The following ABCD3 variants were observed in gnomAD, a reference collection of about 807,000 sequenced individuals.
ABCD3 encodes ATP-binding cassette sub-family D member 3.
In ABCD3, 41 loss-of-function variants were observed where a neutral mutation model predicts 105.5. The observed-to-expected ratio is 0.39, with a 90% CI of 0.30 to 0.50. The LOEUF is 0.50. Ranked by LOEUF, ABCD3 falls within the 20% of genes least tolerant of loss-of-function variation. The probability of loss-of-function intolerance (pLI) is 0.84; values close to 1 mark genes in which losing one functional copy is unlikely to be tolerated. For missense variants in ABCD3, 622 were observed against 806.3 expected, an observed-to-expected ratio of 0.77 and a Z score of 2.77; for synonymous variants, 258 against 269.0, an observed-to-expected ratio of 0.96 and a Z score of 0.40.
chr1:94,461,622 C>T (rs1647874431), intron 2 of ABCD3, among the ~76,000 whole-genome samples: 1 of 151,762 alleles, frequency 6.6e-6, no homozygotes, highest in Non-Finnish European at 1.5e-5. Context: ...TAGACCTGCT[C>T]TTTCATATTC....
intron 1 of ABCD3, among the ~76,000 whole-genome samples, chr1:94,453,243 C>T (rs1647348175): frequency 6.6e-6 from 1 of 151,992 alleles, no homozygotes; most frequent in Non-Finnish European, 1.5e-5. Context: ...AGGAGGTGGG[C>T]AGCTCTCAGA....
intron 1 of ABCD3, among the ~76,000 whole-genome samples, chr1:94,438,395 T>A (rs915426035): frequency 6.6e-6 from 1 of 151,172 alleles, no homozygotes; most frequent in African/African-American, 2.4e-5. Context: ...AGAAAGTGAT[T>A]TCTTCAGATA....
intron 1 of ABCD3, among the ~76,000 whole-genome samples, chr1:94,436,622 A>G (rs781143287): frequency 1.3e-5 from 2 of 152,198 alleles, no homozygotes; most frequent in Non-Finnish European, 1.5e-5. Context: ...GAGCAAGTCT[A>G]TTGAAGCCAT....
At chr1:94,479,385 T>TTA (rs1648924211) in intron 8 of ABCD3, among the ~76,000 whole-genome samples, 2 of 152,152 alleles carry the variant, frequency 1.3e-5, no homozygotes, top group Non-Finnish European at 2.9e-5. Context: ...ATCTTTTTGG[T>TTA]CCACATTTGT....
chr1:94,471,956 G>A (rs576132267), intron 4 of ABCD3, among the ~76,000 whole-genome samples: 1 of 152,128 alleles, frequency 6.6e-6, no homozygotes, highest in South Asian at 2.1e-4. Context: ...CCCTCTTTAA[G>A]GTAGAAACTA....
At chr1:94,425,416 TATCTTAG>T (rs1230912482) in intron 1 of ABCD3, among the ~76,000 whole-genome samples, 1 of 152,216 alleles carries the variant, frequency 6.6e-6, no homozygotes, top group Non-Finnish European at 1.5e-5. Flanking sequence ...TGTGTGACAA[TATCTTAG>T]TTTATTTTCC....
intron 2 of ABCD3, among the ~76,000 whole-genome samples, chr1:94,462,892 G>T (rs1647947196): frequency 6.6e-6 from 1 of 152,164 alleles, no homozygotes; most frequent in South Asian, 2.1e-4. Context: ...TAAAAAGGTA[G>T]TTAATATGTA....
At chr1:94,392,199 A>G in the ABCD3 span, among the ~76,000 whole-genome samples, 3 of 152,290 alleles carry the variant, frequency 2.0e-5, no homozygotes, top group Non-Finnish European at 4.4e-5. Context: ...AAACTCAACC[A>G]TGGCTTTAGC....
At chr1:94,492,236 G>T (rs1290444042) in intron 16 of ABCD3, among the ~76,000 whole-genome samples, 2 of 152,126 alleles carry the variant, frequency 1.3e-5, no homozygotes, top group African/African-American at 2.4e-5. Flanking sequence ...TGTGTTTCAT[G>T]TGGGGATTTT....
chr1:94,427,566 A>G (rs12143221), intron 1 of ABCD3, among the ~76,000 whole-genome samples: 54,934 of 152,080 alleles, frequency 0.36, 11,485 homozygotes, highest in Middle Eastern at 0.54. Flanking sequence ...ATCTGTTTCA[A>G]TGTAATATGA....
the ABCD3 span, among the ~76,000 whole-genome samples, chr1:94,402,433 T>C: frequency 6.6e-6 from 1 of 152,218 alleles, no homozygotes; most frequent in East Asian, 1.9e-4. Flanking sequence ...GTGTGCTCTT[T>C]ATGTATGTGT....
chr1:94,458,720 G>C (rs1647714349), intron 2 of ABCD3, 77 bp downstream of exon 2: 12 of 1,440,076 alleles, frequency 8.3e-6, no homozygotes, highest in Non-Finnish European at 1.2e-5. Context: ...TCTGATTTAG[G>C]ATTAAATTTT....
chr1:94,489,940 T>A lies in ABCD3; in HGVS notation c.1287T>A (p.Gly429=), dbSNP rs1649453335. 1 of 1,613,120 alleles carries A rather than the reference T, an allele frequency of 6.2e-7. No homozygotes were observed. Among genetic ancestry groups the A allele is most frequent in the Non-Finnish European group, 8.5e-7 (1 of 1,179,362 alleles). The part of the protein sequence containing the change: ...EGVQVIPLIP[G]AGEIIIADNI... ...TACAAGTCATTCCCTTGATACCTGG[T>A]GCTGGAGAAATCATTATTGCAGATA... Residue 429 remains glycine, a synonymous_variant, in exon 15 of 23, where the codon GGT becomes GGA. Coordinates refer to ENST00000370214, the MANE Select transcript of ABCD3 (RefSeq NM_002858.4).
At chr1:94,432,843 G>A (rs1266510242) in intron 1 of ABCD3, among the ~76,000 whole-genome samples, 2 of 134,142 alleles carry the variant, frequency 1.5e-5, no homozygotes, top group African/African-American at 2.8e-5. Context: ...GAAATGCACT[G>A]TTAGGCAAAT....
chr1:94,408,994 C>T, the ABCD3 span, among the ~76,000 whole-genome samples: 2 of 152,032 alleles, frequency 1.3e-5, no homozygotes, highest in African/African-American at 2.4e-5. Flanking sequence ...CTAATTCTAC[C>T]CTTATCAATC....
At chr1:94,394,318 AG>A in the ABCD3 span, among the ~76,000 whole-genome samples, 1 of 152,172 alleles carries the variant, frequency 6.6e-6, no homozygotes, top group Admixed American at 6.5e-5. Flanking sequence ...AGAATAGGAG[AG>A]TTGACATAGC....
Position 94,464,848 on chromosome 1 carries a change from T to C in ABCD3, c.221T>C (p.Met74Thr), listed in dbSNP as rs762842137. ...AGGCTCATACAGATTCTGAAAATCA[T>C]GGTCCCTAGAACATTTTGTAAAGAG... is the stretch of plus-strand genomic sequence containing the variant. ...FSRLIQILKI[M>T]VPRTFCKETG... The change falls in exon 3 of 23, where the codon ATG becomes ACG. Residue 74 changes from methionine (M) to threonine (T), a missense_variant. By Grantham distance (81) the Met-to-Thr change is moderately conservative. Around this residue, in one of 4 missense-constraint regions of ABCD3, gnomAD observed 245 missense variants for 356.4 expected, o/e 0.69. Coordinates refer to ENST00000370214, the MANE Select transcript of ABCD3 (RefSeq NM_002858.4). 3.8e-5 allele frequency: 62 copies of C among 1,613,858 alleles called. No homozygotes were observed. The highest frequency in any genetic ancestry group is 4.9e-5 in the Non-Finnish European group (58 of 1,179,916).
chr1:94,405,207 G>C, the ABCD3 span, among the ~76,000 whole-genome samples: 3 of 151,872 alleles, frequency 2.0e-5, no homozygotes, highest in Non-Finnish European at 2.9e-5. Flanking sequence ...TTTTATATTT[G>C]AATCTGTGTA....
At chr1:94,449,787 G>C (rs547491941) in intron 1 of ABCD3, among the ~76,000 whole-genome samples, 6 of 152,302 alleles carry the variant, frequency 3.9e-5, no homozygotes, top group Non-Finnish European at 8.8e-5. Context: ...CTTATGTTCA[G>C]CTGGTCTGAA....
Sources: allele counts gnomAD v4.1 joint callset (sites outside exome capture counted in the v4.1 genomes callset), GRCh38; gene constraint gnomAD v4.1.1; regional missense constraint gnomAD v4.1.1; transcripts MANE v1.5; gene names NCBI Gene and HGNC (gene_info 2026-07-23, HGNC 2026-07-21).